The following NTM variants were observed in gnomAD, a reference collection of about 807,000 sequenced individuals.
The protein encoded by NTM is neurotrimin.
In NTM, 13 loss-of-function variants were observed where a neutral mutation model predicts 42.1. The observed-to-expected ratio is 0.31, with a 90% CI of 0.20 to 0.49. NTM has a LOEUF of 0.49. Among genes scored for constraint, NTM ranks in the 20% least tolerant of loss-of-function variants. The pLI is 0.99. For synonymous variants in NTM, 187 were observed against 179.2 expected (o/e 1.04, Z -0.35); for missense variants, 373 against 452.8 (o/e 0.82, Z 1.60).
intron 1 of NTM, among the ~76,000 whole-genome samples, chr11:131,491,152 C>G (rs141010747): frequency 8.9e-4 from 135 of 152,246 alleles, no homozygotes; most frequent in Non-Finnish European, 1.5e-3. Context: ...CTAAGAATTT[C>G]TATAACGTTA....
chr11:131,435,452 C>G (rs1408411455), intron 1 of NTM, among the ~76,000 whole-genome samples: 1 of 152,074 alleles, frequency 6.6e-6, no homozygotes, highest in Non-Finnish European at 1.5e-5. Context: ...TGTTTGTGCC[C>G]TCTTTTATTT....
chr11:132,330,811 G>A lies in NTM; in HGVS notation c.967+626G>A, dbSNP rs114160691. Reference sequence around the variant, plus strand: ...CTCTAATGAGATAGAGGCAATAAAGGCATTCACTGTGGAGTGGAGGCGTGG... The same window carrying A: ...CTCTAATGAGATAGAGGCAATAAAGACATTCACTGTGGAGTGGAGGCGTGG... On this transcript the variant is annotated intron_variant, in intron 8 of 8. Transcript: ENST00000683400. Among the ~76,000 whole-genome samples the A allele has an allele frequency of 2.2e-3, 341 of 152,304 alleles. 2 individuals carry two copies. The highest frequency in any genetic ancestry group is 7.0e-3 in the African/African-American group (290 of 41,574).
chr11:131,839,823 G>A (rs572261720), intron 1 of NTM, among the ~76,000 whole-genome samples: 1 of 152,348 alleles, frequency 6.6e-6, no homozygotes, highest in Non-Finnish European at 1.5e-5. Flanking sequence ...CCAGATCTGT[G>A]GCCCAGGCCA....
intron 1 of NTM, among the ~76,000 whole-genome samples, chr11:131,890,934 A>G (rs2051229808): frequency 6.6e-6 from 1 of 152,158 alleles, no homozygotes; most frequent in African/African-American, 2.4e-5. Flanking sequence ...CATTCTGGGC[A>G]AGCACGTCCC....
At chr11:131,958,245 G>C (rs2061765356) in intron 2 of NTM, among the ~76,000 whole-genome samples, 1 of 152,156 alleles carries the variant, frequency 6.6e-6, no homozygotes, top group Admixed American at 6.5e-5. Flanking sequence ...CACTCAGAAA[G>C]TATCCTGGGT....
At chr11:131,757,386 G>A (rs762521168) in intron 1 of NTM, among the ~76,000 whole-genome samples, 29 of 152,202 alleles carry the variant, frequency 1.9e-4, no homozygotes, top group Non-Finnish European at 1.9e-4. Context: ...GACTCCAACT[G>A]TCTAGCTCTT....
At chr11:131,997,557 T>C (rs915461801) in intron 2 of NTM, among the ~76,000 whole-genome samples, 1 of 152,194 alleles carries the variant, frequency 6.6e-6, no homozygotes, top group Non-Finnish European at 1.5e-5. Context: ...AGGCTGTGGC[T>C]GGATAAAAAG....
chr11:131,549,502 T>C (rs1253519195), intron 1 of NTM, among the ~76,000 whole-genome samples: 1 of 152,138 alleles, frequency 6.6e-6, no homozygotes, highest in Non-Finnish European at 1.5e-5. Flanking sequence ...AACTAAATCT[T>C]TCATACATAT....
rs576942113 is a variant in NTM, at chr11:131,748,128, A to C, written c.83-163436A>C. ...GTTCAATTAGGTATTAGAATTGTACATGCTTGGTCATATAGTCACTCAACC... is the reference window on the plus strand; with the variant it reads ...GTTCAATTAGGTATTAGAATTGTACCTGCTTGGTCATATAGTCACTCAACC... On this transcript the variant is annotated intron_variant, in intron 1 of 8. Transcript: ENST00000683400. Among the ~76,000 whole-genome samples, 3 of 152,354 alleles carry C rather than the reference A, an allele frequency of 2.0e-5. No individual in the cohort carries two copies. The East Asian group carries it at 5.8e-4, about 29-fold the overall frequency.
At chr11:132,088,643 C>T (rs902567024) in intron 2 of NTM, among the ~76,000 whole-genome samples, 1 of 152,214 alleles carries the variant, frequency 6.6e-6, no homozygotes, top group Non-Finnish European at 1.5e-5. Flanking sequence ...CCCAATTCCT[C>T]CAGTGCGCAT....
chr11:131,970,469 G>C (rs993012107), intron 2 of NTM, among the ~76,000 whole-genome samples: 1 of 152,124 alleles, frequency 6.6e-6, no homozygotes, highest in Non-Finnish European at 1.5e-5. Context: ...TATCCTTCCC[G>C]AATTGGGCCA....
At chr11:132,330,460 C>CT (rs2095781676) in intron 8 of NTM, among the ~76,000 whole-genome samples, 1 of 152,186 alleles carries the variant, frequency 6.6e-6, no homozygotes, top group Non-Finnish European at 1.5e-5. Flanking sequence ...AGCTCCATCT[C>CT]TGGGCTACTC....
At chr11:132,042,489 C>T (rs920984963) in intron 2 of NTM, among the ~76,000 whole-genome samples, 11 of 152,162 alleles carry the variant, frequency 7.2e-5, no homozygotes, top group African/African-American at 2.7e-4. Context: ...TGGGATTTTC[C>T]ACAGCATCAC....
At chr11:132,229,561 A>G (rs1212375249) in intron 4 of NTM, among the ~76,000 whole-genome samples, 3 of 152,198 alleles carry the variant, frequency 2.0e-5, no homozygotes, top group Non-Finnish European at 1.5e-5. Flanking sequence ...AACTGTCTGC[A>G]GTTAGTATGT....
intron 1 of NTM, among the ~76,000 whole-genome samples, chr11:131,675,094 C>A (rs2071141806): frequency 6.6e-6 from 1 of 152,232 alleles, no homozygotes; most frequent in African/African-American, 2.4e-5. Flanking sequence ...CCTGCCTGAG[C>A]TTCCAGATCC....
At chr11:131,574,822 G>A (rs115755664) in intron 1 of NTM, among the ~76,000 whole-genome samples, 2,216 of 152,140 alleles carry the variant, frequency 0.015, 58 homozygotes, top group African/African-American at 0.05. Flanking sequence ...CCTTGGCATC[G>A]ACGGGGGCTG....
intron 1 of NTM, among the ~76,000 whole-genome samples, chr11:131,687,528 C>T (rs556099324): frequency 2.6e-5 from 4 of 152,286 alleles, no homozygotes; most frequent in South Asian, 2.1e-4. Context: ...AGCGTGGGGC[C>T]GGCGTCCCGC....
At position 131,612,839 on chromosome 11, in the gene NTM, G is replaced by A. The variant is rs567041073; in HGVS notation, c.82+241951G>A. On this transcript the variant is annotated intron_variant, in intron 1 of 8. Transcript: ENST00000683400. ...GTCTCTGGGCACTGAACAGCAGGAA[G>A]CCTGTCCCCAAATCCCTACCCGGGT... Among the ~76,000 whole-genome samples the A allele has an allele frequency of 1.1e-3, 165 of 152,350 alleles. 3 individuals carry two copies. The highest frequency in any genetic ancestry group is 3.9e-3 in the African/African-American group (162 of 41,590).
Position 131,554,519 on chromosome 11 carries a change from AACACAC to A in NTM, c.82+183647_82+183652del, listed in dbSNP as rs139415017. Among the ~76,000 whole-genome samples the A allele has an allele frequency of 4.7e-5, 7 of 148,152 alleles. No homozygotes were observed. In the South Asian group the frequency reaches 6.5e-4, roughly 14 times the overall value. On this transcript the variant is annotated intron_variant, in intron 1 of 8. Coordinates refer to ENST00000683400, the MANE Select transcript of NTM (RefSeq NM_001352005.2). ...TCTTTATATATAAAGGTCACCTGCAAACACACACACACACACACACATCTACAAAAA... is the reference window on the plus strand; with the variant it reads ...TCTTTATATATAAAGGTCACCTGCAAACACACACACACACATCTACAAAAA...
Sources: allele counts gnomAD v4.1 joint callset (sites outside exome capture counted in the v4.1 genomes callset), GRCh38; gene constraint gnomAD v4.1.1; transcripts MANE v1.5; gene names NCBI Gene and HGNC (gene_info 2026-07-23, HGNC 2026-07-21).